C4orf51: variants seen among roughly 807,000 people sequenced by gnomAD.
C4orf51 encodes chromosome 4 open reading frame 51.
C4orf51 carries 25 observed loss-of-function variants against 25.2 expected under a neutral mutation model. That is an observed-to-expected ratio of 0.99 (90% CI 0.72 to 1.39). The LOEUF (loss-of-function observed/expected upper bound fraction) is 1.39. Ranked by LOEUF, C4orf51 falls within the 40% of genes most tolerant of loss-of-function variation. The pLI is 0.00. For missense variants in C4orf51, 252 were observed against 239.6 expected, an observed-to-expected ratio of 1.05 and a Z score of -0.34; for synonymous variants, 100 against 84.5, an observed-to-expected ratio of 1.18 and a Z score of -1.01.
At chr4:145,781,030 A>G in the C4orf51 span, among the ~76,000 whole-genome samples, 85 of 152,108 alleles carry the variant, frequency 5.6e-4, 1 homozygote, top group East Asian at 0.012. Flanking sequence ...CACTGTCTCC[A>G]CTAAAAATAC....
At chr4:145,733,817 C>T (rs1236534379), downstream of C4orf51, among the ~76,000 whole-genome samples, 1 of 152,172 alleles carries the variant, frequency 6.6e-6, no homozygotes, top group Non-Finnish European at 1.5e-5. Flanking sequence ...CACTTAGGAA[C>T]CTCCGGAGTT....
chr4:145,750,177 T>C (rs2126808670), intron 1 of C4orf51, among the ~76,000 whole-genome samples: 1 of 152,322 alleles, frequency 6.6e-6, no homozygotes. Flanking sequence ...TACAGAGTTA[T>C]AATATGCTGT....
At position 145,709,473 on chromosome 4, in the gene C4orf51, A is replaced by C. The variant is rs749404604; in HGVS notation, c.307+12841A>C. On this transcript the variant is annotated intron_variant, in intron 2 of 5. Coordinates refer to ENST00000438731, the MANE Select transcript of C4orf51 (RefSeq NM_001080531.3). The stretch of plus-strand genomic sequence containing the variant: ...TAAAAACAAGTATAAATCTCAGGGG[A>C]TACCTGCAAGGAAGCCCATGTCTTT... 3.3e-5 allele frequency among the ~76,000 whole-genome samples: 5 copies of C among 152,244 alleles called. No homozygotes were observed. The South Asian group carries it at 8.3e-4, about 25-fold the overall frequency.
chr4:145,725,871 A>G (rs1732026402), intron 2 of C4orf51, among the ~76,000 whole-genome samples: 1 of 152,208 alleles, frequency 6.6e-6, no homozygotes, highest in Non-Finnish European at 1.5e-5. Flanking sequence ...GCATAACCTG[A>G]TAAGTTTACT....
the C4orf51 span, among the ~76,000 whole-genome samples, chr4:145,778,050 C>T: frequency 6.6e-5 from 10 of 151,764 alleles, no homozygotes; most frequent in South Asian, 2.1e-4. Flanking sequence ...TGTCTTTAGT[C>T]GAATTTAAAA....
chr4:145,735,734 G>T (rs1732770074), downstream of C4orf51, among the ~76,000 whole-genome samples: 1 of 152,120 alleles, frequency 6.6e-6, no homozygotes, highest in Non-Finnish European at 1.5e-5. Flanking sequence ...CCTTTCCATG[G>T]AATACCCATT....
chr4:145,683,335 T>G (rs907245952), intron 1 of C4orf51, among the ~76,000 whole-genome samples: 1 of 152,174 alleles, frequency 6.6e-6, no homozygotes, highest in African/African-American at 2.4e-5. Context: ...CTTCCCAAAT[T>G]TGTCTATAGA....
At chr4:145,773,500 A>AACACCCAG (rs1736595433), downstream of C4orf51, among the ~76,000 whole-genome samples, 1 of 152,208 alleles carries the variant, frequency 6.6e-6, no homozygotes, top group Non-Finnish European at 1.5e-5. Context: ...GGGCTGACCC[A>AACACCCAG]ACACCCAGGG....
At chr4:145,725,580 A>G (rs1732009006) in intron 2 of C4orf51, among the ~76,000 whole-genome samples, 1 of 145,384 alleles carries the variant, frequency 6.9e-6, no homozygotes, top group East Asian at 2.0e-4. Flanking sequence ...TATTCGTACA[A>G]TGGAACACTA....
At chr4:145,738,141 T>C (rs560379832) in intron 1 of C4orf51, among the ~76,000 whole-genome samples, 1 of 152,288 alleles carries the variant, frequency 6.6e-6, no homozygotes, top group African/African-American at 2.4e-5. Flanking sequence ...TTTAAGCTCT[T>C]TGGATGCATA....
chr4:145,756,258 C>T (rs745318537), downstream of C4orf51, among the ~76,000 whole-genome samples: 37 of 152,208 alleles, frequency 2.4e-4, no homozygotes, highest in Non-Finnish European at 1.0e-4. Context: ...GGCCCCCAAA[C>T]AATCCATCAG....
chr4:145,752,804 C>T (rs1296836267), intron 1 of C4orf51, among the ~76,000 whole-genome samples: 2 of 152,186 alleles, frequency 1.3e-5, no homozygotes, highest in East Asian at 3.9e-4. Flanking sequence ...CTTGCCTGAA[C>T]TCAAGTTCCG....
intron 2 of C4orf51, among the ~76,000 whole-genome samples, chr4:145,712,462 G>A (rs1731183943): frequency 6.6e-6 from 1 of 152,198 alleles, no homozygotes; most frequent in Non-Finnish European, 1.5e-5. Flanking sequence ...GAAAGTTTTA[G>A]TTGTCTGAAT....
At chr4:145,684,831 A>G (rs1041338427) in intron 1 of C4orf51, among the ~76,000 whole-genome samples, 13 of 152,150 alleles carry the variant, frequency 8.5e-5, no homozygotes, top group Non-Finnish European at 1.6e-4. Flanking sequence ...CTGGCTTTAA[A>G]TGGGATGGTC....
downstream of C4orf51, among the ~76,000 whole-genome samples, chr4:145,771,916 C>G (rs908185031): frequency 6.6e-6 from 1 of 152,180 alleles, no homozygotes; most frequent in Non-Finnish European, 1.5e-5. Flanking sequence ...ATTAGAGAAT[C>G]TTAGGCCTAA....
rs1222983724 is a variant in C4orf51, at chr4:145,724,880, C to CAA, written c.308-2009_308-2008dup. 3.6e-3 allele frequency among the ~76,000 whole-genome samples: 243 copies of CAA among 67,732 alleles called. 1 individual carries two copies. Among genetic ancestry groups the CAA allele is most frequent in the Middle Eastern group, 9.1e-3 (1 of 110 alleles). The allele number at this position is 67,732 out of a possible 152,430, so 44.4% of individuals were successfully genotyped here. A position where few individuals can be genotyped will look rare whatever the true frequency, so the allele number is the denominator to read the frequency against. Reference sequence around the variant, plus strand: ...CCTGGGTGGCAGAGCAAGACTGTCTCAAAAAAAAAAAAAAAAAAAAAAAGA... The same window carrying CAA: ...CCTGGGTGGCAGAGCAAGACTGTCTCAAAAAAAAAAAAAAAAAAAAAAAAAGA... On this transcript the variant is annotated intron_variant, in intron 2 of 5. Transcript: ENST00000438731.
In C4orf51 at chr4:145,765,655, C is replaced by G; in HGVS notation, n.167-5333C>G. Reference sequence around the variant, plus strand: ...TTTTTCTGGGAGCCATCTGAATCATCTTTGCTGTTGGCTGAATCACTCAGA... The same window carrying G: ...TTTTTCTGGGAGCCATCTGAATCATGTTTGCTGTTGGCTGAATCACTCAGA... On this transcript the variant is annotated intron_variant and non_coding_transcript_variant, in intron 1 of 1. Coordinates refer to the C4orf51 transcript ENST00000510096. The surrounding 1 kb of genome is among the most constrained non-coding windows in gnomAD (Gnocchi z 4.7). 6.2e-7 allele frequency: 1 copy of G among 1,614,148 alleles called. No individual in the cohort carries two copies.
In C4orf51 at chr4:145,751,026, A is replaced by G. The variant is rs776671316; in HGVS notation, n.168-3181A>G. ...TCCATCTTTGCTAAATTTGTCTGACAGAATTCTGATTTCCTTCTCTGTGTT... is the reference window on the plus strand; with the variant it reads ...TCCATCTTTGCTAAATTTGTCTGACGGAATTCTGATTTCCTTCTCTGTGTT... On this transcript the variant is annotated intron_variant and non_coding_transcript_variant, in intron 1 of 1. Transcript: ENST00000508981. Among the ~76,000 whole-genome samples, 44 of 152,258 alleles carry G rather than the reference A, an allele frequency of 2.9e-4. 1 individual carries two copies. Among genetic ancestry groups the G allele is most frequent in the Admixed American group, 1.3e-4 (2 of 15,298 alleles).
chr4:145,735,234 CA>C (rs1732742172), downstream of C4orf51, among the ~76,000 whole-genome samples: 1 of 152,108 alleles, frequency 6.6e-6, no homozygotes, highest in Non-Finnish European at 1.5e-5. Context: ...GCATGGAGCA[CA>C]GGAAAAGATT....
Sources: allele counts gnomAD v4.1 joint callset (sites outside exome capture counted in the v4.1 genomes callset), GRCh38; gene constraint gnomAD v4.1.1; non-coding constraint Gnocchi (gnomAD v3.1); transcripts MANE v1.5; gene names NCBI Gene and HGNC (gene_info 2026-07-23, HGNC 2026-07-21).